Variants in GSE1 observed in about 807,000 individuals in gnomAD.
GSE1 encodes genetic suppressor element 1.
A neutral mutation model predicts 112.6 loss-of-function variants in GSE1; 32 were observed. The ratio of observed to expected loss-of-function variants is 0.28; its 90% confidence interval spans 0.21 to 0.38. The LOEUF is 0.38. Among genes scored for constraint, GSE1 ranks in the 10% least tolerant of loss-of-function variants. GSE1 has a pLI of 1.00. For missense variants in GSE1, 2,348 were observed against 1,699.2 expected, an observed-to-expected ratio of 1.38 and a Z score of -6.71; for synonymous variants, 1,115 against 735.6, an observed-to-expected ratio of 1.52 and a Z score of -8.35.
chr16:85,383,022 CCA>C (rs1418427326), intron 2 of GSE1, among the ~76,000 whole-genome samples: 5 of 151,028 alleles, frequency 3.3e-5, no homozygotes, highest in Non-Finnish European at 7.4e-5. Context: ...ACGGTTGCAC[CCA>C]CACATGCACA....
In GSE1 at chr16:85,666,238, C is replaced by T. The variant is rs1215855078; in HGVS notation, c.3021C>T (p.Ser1007=). 9 of 1,613,838 alleles carry T rather than the reference C, an allele frequency of 5.6e-6. No homozygotes were observed. The highest frequency in any genetic ancestry group is 7.6e-6 in the Non-Finnish European group (9 of 1,180,050). The part of the protein sequence containing the change: ...PKDIPVPLSH[S]TNGKSKPWEP... The stretch of plus-strand genomic sequence containing the variant: ...ACATTCCTGTGCCGCTGTCCCACAG[C>T]ACCAATGGGAAGAGCAAGCCGTGGG... The change falls in exon 13 of 16, where the codon AGC becomes AGT. Residue 1007 remains serine (S), a synonymous_variant. Coordinates refer to ENST00000253458, the MANE Select transcript of GSE1 (RefSeq NM_014615.5).
intron 2 of GSE1, among the ~76,000 whole-genome samples, chr16:85,426,150 A>C (rs574908847): frequency 1.4e-5 from 2 of 139,028 alleles, no homozygotes; most frequent in South Asian, 4.7e-4. Context: ...TGGATGGATG[A>C]ATGGATGGGT....
At chr16:85,566,831 C>T (rs1322176410) in intron 1 of GSE1, among the ~76,000 whole-genome samples, 1 of 152,168 alleles carries the variant, frequency 6.6e-6, no homozygotes, top group Non-Finnish European at 1.5e-5. Context: ...CGGCAGGGAA[C>T]ATAAAAGAAG....
intron 2 of GSE1, among the ~76,000 whole-genome samples, chr16:85,370,488 C>G (rs777839325): frequency 2.0e-5 from 3 of 152,222 alleles, no homozygotes; most frequent in Admixed American, 6.5e-5. Flanking sequence ...AGGCGCACTA[C>G]TTGAACTGGG....
intron 2 of GSE1, among the ~76,000 whole-genome samples, chr16:85,391,511 CT>C (rs1481511336): frequency 9.2e-5 from 14 of 152,240 alleles, no homozygotes; most frequent in Admixed American, 7.9e-4. Flanking sequence ...CTTCCAGTCT[CT>C]GGTGACTTCA....
chr16:85,309,860 GTGGTTA>G (rs762660241), intron 1 of GSE1, among the ~76,000 whole-genome samples: 18 of 152,396 alleles, frequency 1.2e-4, no homozygotes, highest in Non-Finnish European at 2.2e-4. Flanking sequence ...AGCAGCTGAT[GTGGTTA>G]CAGCTGGCGA....
At chr16:85,198,464 C>T (rs557073587) in intron 1 of GSE1, among the ~76,000 whole-genome samples, 21 of 152,250 alleles carry the variant, frequency 1.4e-4, no homozygotes, top group Admixed American at 1.3e-4. Context: ...CTGCCAGGAG[C>T]TGACCTTGCG....
chr16:85,577,940 C>T (rs764168789), intron 1 of GSE1, among the ~76,000 whole-genome samples: 21 of 152,238 alleles, frequency 1.4e-4, no homozygotes, highest in Admixed American at 2.6e-4. Flanking sequence ...TTGCAGAGCC[C>T]GGCTTGCTGC....
chr16:85,387,526 C>G (rs1164368813), intron 2 of GSE1, among the ~76,000 whole-genome samples: 2 of 152,262 alleles, frequency 1.3e-5, no homozygotes, highest in South Asian at 4.1e-4. Flanking sequence ...TCAAATGTCA[C>G]CTCATTGGTG....
chr16:85,468,180 A>G (rs900145010), intron 2 of GSE1, among the ~76,000 whole-genome samples: 3 of 78,394 alleles, frequency 3.8e-5, no homozygotes, highest in Non-Finnish European at 8.2e-5. Context: ...TTGAACCACA[A>G]GAAGGTGGGA....
intron 2 of GSE1, among the ~76,000 whole-genome samples, chr16:85,547,413 T>G (rs920954463): frequency 6.6e-6 from 1 of 152,238 alleles, no homozygotes; most frequent in African/African-American, 2.4e-5. Flanking sequence ...CCTCGGCTTG[T>G]GGCCATATCA....
intron 2 of GSE1, among the ~76,000 whole-genome samples, chr16:85,535,021 C>G (rs1169734646): frequency 1.3e-5 from 2 of 152,160 alleles, no homozygotes; most frequent in East Asian, 3.9e-4. Context: ...TTTCTTAGAG[C>G]TGATTGTGCG....
At chr16:85,560,128 C>CTTTTTTTTTTTTTTTTTTTTT (rs377241566) in intron 1 of GSE1, among the ~76,000 whole-genome samples, 3 of 99,162 alleles carry the variant, frequency 3.0e-5, no homozygotes, top group Admixed American at 1.4e-4. Context: ...TCTTCTTCTT[C>CTTTTTTTTTTTTTTTTTTTTT]TTTTTTTTTT....
chr16:85,554,842 G>T (rs1036658040), upstream of GSE1: 258 of 982,956 alleles, frequency 2.6e-4, no homozygotes, highest in Non-Finnish European at 3.0e-4. Flanking sequence ...TTGGGCAGCC[G>T]GAGGGGGGGC....
intron 1 of GSE1, chr16:85,595,800 TCCCCCACC>T (rs1241892861): frequency 2.6e-5 from 3 of 115,612 alleles, no homozygotes; most frequent in Admixed American, 8.3e-5. Context: ...ATCCATCCAT[TCCCCCACC>T]CACCCACCCA....
chr16:85,284,770 A>G (rs913235716), intron 1 of GSE1, among the ~76,000 whole-genome samples: 2 of 152,172 alleles, frequency 1.3e-5, no homozygotes, highest in Non-Finnish European at 2.9e-5. Context: ...CGGGGCTGGC[A>G]CACACAGCTC....
exon 1 of GSE1, chr16:85,169,610 C>T: frequency 3.1e-6 from 3 of 982,728 alleles, no homozygotes; most frequent in Non-Finnish European, 3.6e-6. Flanking sequence ...GCGCCGCTCT[C>T]CTGCTTCATC....
At chr16:85,331,414 CGTATATAT>C (rs1241239842) in intron 1 of GSE1, among the ~76,000 whole-genome samples, 11 of 45,546 alleles carry the variant, frequency 2.4e-4, no homozygotes, top group Admixed American at 1.3e-3. Flanking sequence ...TATATATATG[CGTATATAT>C]GTATATATGT....
chr16:85,597,162 A>G (rs2047264382), intron 1 of GSE1, among the ~76,000 whole-genome samples: 1 of 151,718 alleles, frequency 6.6e-6, no homozygotes, highest in Non-Finnish European at 1.5e-5. Flanking sequence ...CATTTGCAGT[A>G]GAGAAGGGGT....
Sources: gnomAD v4.1 joint callset for allele counts (sites outside exome capture counted in the v4.1 genomes callset) on GRCh38, gnomAD v4.1.1 for gene constraint, MANE v1.5 for transcripts, NCBI Gene and HGNC (gene_info 2026-07-23, HGNC 2026-07-21) for gene names.